The following PPP3CA variants were observed in gnomAD, a reference collection of about 807,000 sequenced individuals.
The protein encoded by PPP3CA is CAM-PRP catalytic subunit.
A neutral mutation model predicts 66.5 loss-of-function variants in PPP3CA; 14 were observed. The observed-to-expected ratio is 0.21, with a 90% confidence interval of 0.14 to 0.33. PPP3CA has a LOEUF of 0.33. PPP3CA is among the 10% of genes least tolerant of loss of function. The pLI is 1.00. For missense variants in PPP3CA, 317 were observed against 639.5 expected (o/e 0.50, Z 5.44); for synonymous variants, 232 against 226.2 (o/e 1.03, Z -0.23).
chr4:101,060,168 GTC>G (rs1728400707), intron 10 of PPP3CA, among the ~76,000 whole-genome samples: 1 of 151,998 alleles, frequency 6.6e-6, no homozygotes, highest in Non-Finnish European at 1.5e-5. Flanking sequence ...GCTCACTGCA[GTC>G]TCAACCTCCT....
rs55721209 is a variant in PPP3CA, at chr4:101,269,553, CGTGTGTGTGTGTGT to C, written c.59-73451_59-73438del. 5.9e-3 allele frequency among the ~76,000 whole-genome samples: 798 copies of C among 135,968 alleles called. 6 individuals are homozygous for C. Among genetic ancestry groups the C allele is most frequent in the Non-Finnish European group, 8.7e-3 (543 of 62,380 alleles). 89.2% of individuals were successfully genotyped at this position (135,968 alleles called of 152,430 possible). On this transcript the variant is annotated intron_variant, in intron 1 of 13. Coordinates refer to ENST00000394854, the MANE Select transcript of PPP3CA (RefSeq NM_000944.5). ...ACATAAGCTCCATACAAACAAGGAA[CGTGTGTGTGTGTGT>C]GTGTGTGTGTGTGTGTGTGTGTGTG...
Position 101,346,897 on chromosome 4 carries a change from G to GCCGCCA in PPP3CA, c.-102_-101insTGGCGG, listed in dbSNP as rs2110349092. 7.1e-7 allele frequency: 1 copy of GCCGCCA among 1,408,650 alleles called. No homozygotes were observed. The highest frequency in any genetic ancestry group is 1.2e-5 in the South Asian group (1 of 80,190). 87.3% of individuals were successfully genotyped at this position (1,408,650 alleles called of 1,614,324 possible). On this transcript the variant is annotated 5_prime_UTR_variant, in exon 1 of 14. Coordinates refer to ENST00000394854, the MANE Select transcript of PPP3CA (RefSeq NM_000944.5). ...ACTCAACGCCGCCGCCGCCGCCGCC[G>GCCGCCA]CCGCCGCGCTGCAAACCGCTCGGCT...
At chr4:101,333,270 GTTTTTTTTTTTTTTTTTTTTTTTT>G (rs70961788) in intron 1 of PPP3CA, among the ~76,000 whole-genome samples, 2 of 47,270 alleles carry the variant, frequency 4.2e-5, no homozygotes, top group African/African-American at 6.4e-5. Flanking sequence ...ACCATGCCCA[GTTTTTTTTTTTTTTTTTTTTTTTT>G]TTTTTTTTTT....
intron 2 of PPP3CA, among the ~76,000 whole-genome samples, chr4:101,165,292 C>T (rs1723656695): frequency 6.6e-6 from 1 of 152,152 alleles, no homozygotes; most frequent in African/African-American, 2.4e-5. Context: ...CCACATTTCT[C>T]CTTCCATAAA....
intron 1 of PPP3CA, among the ~76,000 whole-genome samples, 165 bp downstream of exon 1, chr4:101,346,574 G>GGGGGTTCGC (rs1323921539): frequency 2.0e-5 from 3 of 152,038 alleles, no homozygotes; most frequent in East Asian, 1.9e-4. Flanking sequence ...CGCGGGGGCG[G>GGGGGTTCGC]GGGGTTCGCG....
intron 2 of PPP3CA, among the ~76,000 whole-genome samples, chr4:101,187,847 A>T (rs553610883): frequency 6.6e-6 from 1 of 152,308 alleles, no homozygotes; most frequent in African/African-American, 2.4e-5. Context: ...TTTGTAAGAA[A>T]GAATCAGATT....
intron 2 of PPP3CA, among the ~76,000 whole-genome samples, chr4:101,193,485 A>T (rs1240196507): frequency 6.6e-6 from 1 of 152,142 alleles, no homozygotes. Flanking sequence ...AAGAAAAAAA[A>T]AAACAGAACT....
chr4:101,163,964 T>C (rs1723604117), intron 2 of PPP3CA, among the ~76,000 whole-genome samples: 2 of 143,488 alleles, frequency 1.4e-5, no homozygotes, highest in Admixed American at 7.1e-5. Flanking sequence ...GTTTTATTTT[T>C]ATTTTATTTT....
intron 1 of PPP3CA, among the ~76,000 whole-genome samples, chr4:101,323,799 C>T (rs975645882): frequency 6.6e-6 from 1 of 152,080 alleles, no homozygotes; most frequent in Non-Finnish European, 1.5e-5. Context: ...GCTGCTATTA[C>T]CGTGTTTTAA....
intron 1 of PPP3CA, among the ~76,000 whole-genome samples, chr4:101,296,711 A>G (rs1039941262): frequency 1.3e-5 from 2 of 152,120 alleles, no homozygotes; most frequent in African/African-American, 4.8e-5. Flanking sequence ...TCTGTTTCCC[A>G]TTTTTTAAAA....
At chr4:101,084,658 A>T (rs1318738625) in intron 6 of PPP3CA, among the ~76,000 whole-genome samples, 2 of 152,022 alleles carry the variant, frequency 1.3e-5, no homozygotes, top group Admixed American at 1.3e-4. Flanking sequence ...AAAAAAAAAG[A>T]AAGATAACAT....
At chr4:101,260,983 A>G (rs903076267) in intron 1 of PPP3CA, among the ~76,000 whole-genome samples, 1 of 152,170 alleles carries the variant, frequency 6.6e-6, no homozygotes, top group Non-Finnish European at 1.5e-5. Flanking sequence ...ATTTTCACAG[A>G]GAAAGCACAA....
At chr4:101,231,897 C>T (rs1250651685) in intron 1 of PPP3CA, among the ~76,000 whole-genome samples, 3 of 151,586 alleles carry the variant, frequency 2.0e-5, no homozygotes, top group Non-Finnish European at 3.0e-5. Context: ...ATAAAACAAA[C>T]CCTCCCAATC....
chr4:101,324,113 A>AAAAGAAAAG lies in PPP3CA; in HGVS notation c.58+22617_58+22625dup, dbSNP rs1454978845. Among the ~76,000 whole-genome samples the AAAAGAAAAG allele has an allele frequency of 3.8e-3, 553 of 145,932 alleles. 4 individuals carry two copies. The highest frequency in any genetic ancestry group is 0.014 in the Middle Eastern group (4 of 294). ...ACAGAGTGAGACAAAAGAAAGAAAG[A>AAAAGAAAAG]AAAGAAAAGAAAGGAAGGGAAGGAA... On this transcript the variant is annotated intron_variant, in intron 1 of 13. Transcript: ENST00000394854.
chr4:101,035,842 A>G (rs1036908634), intron 11 of PPP3CA, among the ~76,000 whole-genome samples: 1 of 152,164 alleles, frequency 6.6e-6, no homozygotes, highest in African/African-American at 2.4e-5. Context: ...ATTTCCTCTG[A>G]TGACCATGCC....
chr4:101,133,317 T>C (rs1176252789), intron 2 of PPP3CA, among the ~76,000 whole-genome samples: 1 of 152,200 alleles, frequency 6.6e-6, no homozygotes, highest in African/African-American at 2.4e-5. Flanking sequence ...TTATCTCTGT[T>C]GGCTGACGAC....
intron 2 of PPP3CA, among the ~76,000 whole-genome samples, chr4:101,167,678 C>T (rs1286040323): frequency 6.6e-6 from 1 of 152,076 alleles, no homozygotes; most frequent in Admixed American, 6.6e-5. Context: ...GGGGACACAG[C>T]TATCACACAG....
intron 11 of PPP3CA, among the ~76,000 whole-genome samples, chr4:101,039,354 C>T (rs1727400713): frequency 1.4e-5 from 2 of 145,192 alleles, no homozygotes; most frequent in South Asian, 4.7e-4. Context: ...TTTCTTTTCT[C>T]CATGGTACAT....
At chr4:101,266,904 G>A (rs909346150) in intron 1 of PPP3CA, among the ~76,000 whole-genome samples, 7 of 152,280 alleles carry the variant, frequency 4.6e-5, no homozygotes, top group Non-Finnish European at 8.8e-5. Context: ...CTCATATAGA[G>A]AATGTGACCA....
Sources: allele counts gnomAD v4.1 joint callset (sites outside exome capture counted in the v4.1 genomes callset), GRCh38; gene constraint gnomAD v4.1.1; transcripts MANE v1.5; gene names NCBI Gene and HGNC (gene_info 2026-07-23, HGNC 2026-07-21).